AGXT2: variants seen among roughly 807,000 people sequenced by gnomAD.
AGXT2 encodes the protein alanine--glyoxylate aminotransferase 2.
In AGXT2, 61 loss-of-function variants were observed where a neutral mutation model predicts 62.5. That is an observed-to-expected ratio of 0.98 (90% CI 0.79 to 1.21). The LOEUF is 1.21. Ranked by LOEUF, AGXT2 falls within the 50% of genes most tolerant of loss-of-function variation. The pLI, the probability that AGXT2 is intolerant of heterozygous loss-of-function variation, is 0.00. For synonymous variants in AGXT2, 243 were observed against 218.7 expected, an observed-to-expected ratio of 1.11 and a Z score of -0.98; for missense variants, 666 against 641.5, an observed-to-expected ratio of 1.04 and a Z score of -0.41.
chr5:34,999,405 T>C (rs373721662), intron 13 of AGXT2, among the ~76,000 whole-genome samples: 4 of 152,194 alleles, frequency 2.6e-5, no homozygotes, highest in African/African-American at 7.2e-5. Flanking sequence ...CAGAGTTGAA[T>C]GAAGTAGGCT....
intron 6 of AGXT2, 74 bp from the exon 7 acceptor site, chr5:35,032,899 C>T: frequency 8.1e-7 from 1 of 1,227,832 alleles, no homozygotes; most frequent in Non-Finnish European, 1.2e-6. Flanking sequence ...ATATGGCTGC[C>T]ATCAAGACAA....
chr5:35,022,648 C>T lies in AGXT2; in HGVS notation c.963+3115G>A, dbSNP rs540263121. Among the ~76,000 whole-genome samples the T allele has an allele frequency of 5.3e-5, 8 of 150,544 alleles. No homozygotes were observed. The East Asian group carries it at 1.6e-3, about 30-fold the overall frequency. Reference sequence around the variant, plus strand: ...AGATGACGAGTTAGTGGGTGCAGCGCACCAGCATGGCACATGTATACATAT... The same window carrying T: ...AGATGACGAGTTAGTGGGTGCAGCGTACCAGCATGGCACATGTATACATAT... On this transcript the variant is annotated intron_variant, in intron 9 of 13. Transcript: ENST00000231420.
intron 9 of AGXT2, among the ~76,000 whole-genome samples, chr5:35,025,455 A>G (rs541561503): frequency 6.6e-6 from 1 of 152,352 alleles, no homozygotes; most frequent in African/African-American, 2.4e-5. Context: ...AGCCCCTGAA[A>G]CAATCCCTAG....
chr5:35,023,095 T>G (rs1344255293), intron 9 of AGXT2, among the ~76,000 whole-genome samples: 10 of 147,724 alleles, frequency 6.8e-5, no homozygotes, highest in African/African-American at 2.2e-4. Context: ...TATTCATTTG[T>G]TTGTATAGGT....
chr5:35,010,143 T>A lies in AGXT2; in HGVS notation c.1195A>T (p.Lys399Ter), dbSNP rs975770624. ...CTGTTTTCCTGTAGATTTTCTTCTTTAATCACCTGTTAAGAGAAAGCCCCA... is the reference window on the plus strand; with the variant it reads ...CTGTTTTCCTGTAGATTTTCTTCTTAAATCACCTGTTAAGAGAAAGCCCCA... ...AIGSAVLEVIKEENLQENSQE... is the reference protein window; with the variant it reads ...AIGSAVLEVI Residue 399 changes from lysine to a stop codon, truncating the protein, a stop_gained, in exon 12 of 14, where the codon AAA becomes TAA. Transcript: ENST00000231420. LOFTEE classifies it high-confidence loss of function. The A allele has an allele frequency of 1.9e-6, 3 of 1,614,092 alleles. No individual in the cohort carries two copies. The highest frequency in any genetic ancestry group is 2.7e-5 in the African/African-American group (2 of 74,942).
At chr5:35,018,072 G>A (rs965500712) in intron 9 of AGXT2, among the ~76,000 whole-genome samples, 5 of 152,172 alleles carry the variant, frequency 3.3e-5, no homozygotes, top group African/African-American at 1.2e-4. Context: ...ATGGGACTAT[G>A]TGAAAAGACC....
intron 4 of AGXT2, 61 bp from the exon 5 acceptor site, chr5:35,035,377 A>T: frequency 6.9e-7 from 1 of 1,449,708 alleles, no homozygotes; most frequent in Non-Finnish European, 9.6e-7. Flanking sequence ...CATTCACTTA[A>T]AATTGCTGAA....
chr5:35,003,577 C>CT (rs1766315235), intron 13 of AGXT2, among the ~76,000 whole-genome samples, 186 bp downstream of exon 13: 1 of 133,380 alleles, frequency 7.5e-6, no homozygotes, highest in African/African-American at 2.7e-5. Flanking sequence ...ACTGTCTCCG[C>CT]CTTTTTTTTT....
intron 13 of AGXT2, among the ~76,000 whole-genome samples, chr5:34,999,508 A>G (rs1766150182): frequency 6.6e-6 from 1 of 152,268 alleles, no homozygotes; most frequent in South Asian, 2.1e-4. Context: ...ATTTTATTGA[A>G]TGGCTTTTTT....
At chr5:35,014,713 G>T (rs140260884) in intron 9 of AGXT2, among the ~76,000 whole-genome samples, 2 of 152,216 alleles carry the variant, frequency 1.3e-5, no homozygotes, top group African/African-American at 4.8e-5. Flanking sequence ...TATGTCACAG[G>T]CTCCATGAGG....
At chr5:35,022,563 G>T (rs1294224443) in intron 9 of AGXT2, among the ~76,000 whole-genome samples, 1 of 129,900 alleles carries the variant, frequency 7.7e-6, no homozygotes, top group East Asian at 2.7e-4. Context: ...TCACAGTCTA[G>T]GGACTGTTGT....
At chr5:35,041,140 G>A (rs1767969952) in intron 1 of AGXT2, among the ~76,000 whole-genome samples, 1 of 145,394 alleles carries the variant, frequency 6.9e-6, no homozygotes, top group Non-Finnish European at 1.5e-5. Context: ...TTCTTGTAGG[G>A]AATGAGGAGA....
rs1334550036 is a variant in AGXT2 at position 35,010,107 on chromosome 5, CAACTTCTT to C, written c.1223_1230del (p.Gln408ArgfsTer10). On this transcript the variant is annotated frameshift_variant, in exon 12 of 14. Transcript: ENST00000231420. LOFTEE classifies it high-confidence loss of function. ...GCAAACTTTAGTAACATGTAGGTCC[CAACTTCTT>C]GACTGTTTTCCTGTAGATTTTCTTC... 6.2e-7 allele frequency: 1 copy of C among 1,614,076 alleles called. No individual in the cohort carries two copies. The highest frequency in any genetic ancestry group is 8.5e-7 in the Non-Finnish European group (1 of 1,180,040).
intron 6 of AGXT2, 61 bp from the exon 7 acceptor site, chr5:35,032,886 A>G (rs1767622901): frequency 1.5e-6 from 2 of 1,355,868 alleles, no homozygotes; most frequent in Non-Finnish European, 2.1e-6. Flanking sequence ...AAGTTAGGGT[A>G]GCATATGGCT....
In AGXT2 at chr5:35,021,602, C is replaced by T. The variant is rs535307249; in HGVS notation, c.963+4161G>A. 1.8e-3 allele frequency among the ~76,000 whole-genome samples: 272 copies of T among 151,740 alleles called. 2 individuals are homozygous for T. The highest frequency in any genetic ancestry group is 6.3e-3 in the African/African-American group (259 of 41,352). Reference sequence around the variant, plus strand: ...ATGGATTAAAGACTTAAACGTTAGACCTAAAACCATAAAAACCCTAGAAGA... The same window carrying T: ...ATGGATTAAAGACTTAAACGTTAGATCTAAAACCATAAAAACCCTAGAAGA... On this transcript the variant is annotated intron_variant, in intron 9 of 13. Transcript: ENST00000231420.
chr5:35,021,868 A>G (rs1378027649), intron 9 of AGXT2, among the ~76,000 whole-genome samples: 1 of 152,234 alleles, frequency 6.6e-6, no homozygotes, highest in Non-Finnish European at 1.5e-5. Context: ...AACTCTAACA[A>G]ATTTACAAGA....
At chr5:35,024,720 G>A (rs1436549344) in intron 9 of AGXT2, among the ~76,000 whole-genome samples, 3 of 152,156 alleles carry the variant, frequency 2.0e-5, no homozygotes, top group Non-Finnish European at 4.4e-5. Context: ...TGTAAACCCA[G>A]CACTTTGGGA....
At chr5:35,023,004 A>C (rs555106659) in intron 9 of AGXT2, among the ~76,000 whole-genome samples, 11 of 151,290 alleles carry the variant, frequency 7.3e-5, no homozygotes, top group Non-Finnish European at 1.6e-4. Context: ...TGTCTTCTGC[A>C]AATTTTTTTT....
intron 13 of AGXT2, among the ~76,000 whole-genome samples, chr5:35,000,483 C>G (rs1766186994): frequency 6.6e-6 from 1 of 152,180 alleles, no homozygotes; most frequent in South Asian, 2.1e-4. Context: ...CAGGTTCACA[C>G]AATTCTCCTG....
Sources: allele counts gnomAD v4.1 joint callset (sites outside exome capture counted in the v4.1 genomes callset), GRCh38; gene constraint gnomAD v4.1.1; transcripts MANE v1.5; gene names NCBI Gene and HGNC (gene_info 2026-07-23, HGNC 2026-07-21).